Variants in SGPP1 observed in about 807,000 individuals in gnomAD.
SGPP1 encodes sphingosine-1-phosphate phosphatase 1.
In SGPP1, 21 loss-of-function variants were observed where a neutral mutation model predicts 33.0. That is an observed-to-expected ratio of 0.64 (90% CI 0.45 to 0.92). The LOEUF is 0.92. Among genes scored for constraint, SGPP1 ranks in the 40% least tolerant of loss-of-function variants. The pLI is 0.00. For synonymous variants in SGPP1, 239 were observed against 241.2 expected (o/e 0.99, Z 0.08); for missense variants, 543 against 589.4 (o/e 0.92, Z 0.81).
chr14:63,710,103 G>C (rs73265735), intron 1 of SGPP1, among the ~76,000 whole-genome samples: 1 of 152,176 alleles, frequency 6.6e-6, no homozygotes, highest in Non-Finnish European at 1.5e-5. Flanking sequence ...GGAATGAATA[G>C]TGTACATGTA....
At chr14:63,692,483 C>T (rs557517463) in intron 2 of SGPP1, among the ~76,000 whole-genome samples, 3 of 151,882 alleles carry the variant, frequency 2.0e-5, no homozygotes, top group Non-Finnish European at 2.9e-5. Context: ...CAGGTCTTGC[C>T]GTGTCATTCA....
intron 2 of SGPP1, among the ~76,000 whole-genome samples, chr14:63,694,188 C>T (rs1192640417): frequency 6.6e-6 from 1 of 151,606 alleles, no homozygotes; most frequent in African/African-American, 2.4e-5. Flanking sequence ...GTGGGAAGAT[C>T]GCTTGAGTCC....
rs1448854042 is a variant in SGPP1, at chr14:63,685,448, G to A, written c.*657C>T. On this transcript the variant is annotated 3_prime_UTR_variant, in exon 3 of 3. Coordinates refer to ENST00000247225, the MANE Select transcript of SGPP1 (RefSeq NM_030791.4). ...TAAAGTTCATTCAAAACAGTATACA[G>A]AACTTAAAAAAAAATCCAAAAACTA... 1.3e-5 allele frequency: 2 copies of A among 151,704 alleles called. No individual in the cohort carries two copies. Among genetic ancestry groups the A allele is most frequent in the African/African-American group, 4.9e-5 (2 of 41,110 alleles). The allele number at this position is 151,704 out of a possible 1,614,324, so 9.4% of individuals were successfully genotyped here. A position where few individuals can be genotyped will look rare whatever the true frequency, so the allele number is the denominator to read the frequency against.
intron 1 of SGPP1, among the ~76,000 whole-genome samples, chr14:63,714,238 C>T (rs376775140): frequency 1.3e-5 from 2 of 152,172 alleles, no homozygotes; most frequent in South Asian, 4.1e-4. Context: ...TTCTTGAGAT[C>T]TTGACTCTTT....
chr14:63,710,557 G>A (rs939922417), intron 1 of SGPP1, among the ~76,000 whole-genome samples: 1 of 152,198 alleles, frequency 6.6e-6, no homozygotes, highest in Non-Finnish European at 1.5e-5. Context: ...GTGGAATGAG[G>A]CTAAGCTTGG....
intron 1 of SGPP1, among the ~76,000 whole-genome samples, chr14:63,699,000 A>G (rs1566819454): frequency 6.6e-6 from 1 of 152,210 alleles, no homozygotes; most frequent in African/African-American, 2.4e-5. Context: ...CACCAAAATG[A>G]AAGGGCCTCT....
rs895084693 is a variant in SGPP1, at chr14:63,686,668, T to C, written c.775-12A>G. 1.9e-6 allele frequency: 3 copies of C among 1,559,240 alleles called. No homozygotes were observed. In the African/African-American group the frequency reaches 4.1e-5, roughly 21 times the overall value. On this transcript the variant is annotated splice_polypyrimidine_tract_variant and intron_variant, in intron 2 of 2. Coordinates refer to ENST00000247225, the MANE Select transcript of SGPP1 (RefSeq NM_030791.4). ...CCAGCAATAATATCCTAGGAAAAGA[T>C]AAAAGTATCGTTGTTTAGTATAATA...
chr14:63,698,558 AT>A lies in SGPP1; in HGVS notation c.774+10del. 2 of 1,457,208 alleles carry A rather than the reference AT, an allele frequency of 1.4e-6. No homozygotes were observed. Among genetic ancestry groups the A allele is most frequent in the Non-Finnish European group, 1.9e-6 (2 of 1,064,520 alleles). The allele number at this position is 1,457,208 out of a possible 1,614,324, so 90.3% of individuals were successfully genotyped here. A position where few individuals can be genotyped will look rare whatever the true frequency, so the allele number is the denominator to read the frequency against. ...AAAAATAAAGTATTAAGAAGACAAC[AT>A]TTTCCTTACCAGAATAGAGTGCATT... is the stretch of plus-strand genomic sequence containing the variant. On this transcript the variant is annotated intron_variant, in intron 2 of 2. Coordinates refer to ENST00000247225, the MANE Select transcript of SGPP1 (RefSeq NM_030791.4).
intron 1 of SGPP1, among the ~76,000 whole-genome samples, chr14:63,719,022 T>A (rs1346975916): frequency 7.3e-4 from 61 of 83,220 alleles, no homozygotes; most frequent in South Asian, 3.0e-3. Flanking sequence ...ATATTTTTTT[T>A]TTTTTTTTTT....
chr14:63,707,794 C>T (rs772011527), intron 1 of SGPP1, among the ~76,000 whole-genome samples: 7 of 151,988 alleles, frequency 4.6e-5, no homozygotes, highest in African/African-American at 7.2e-5. Context: ...TCATCTGCTT[C>T]GAGGCTCCAG....
At chr14:63,725,744 AG>A in intron 1 of SGPP1, among the ~76,000 whole-genome samples, 2 of 152,324 alleles carry the variant, frequency 1.3e-5, no homozygotes, top group South Asian at 4.1e-4. Flanking sequence ...GAGCAAAAAT[AG>A]CTATTTTCTC....
At chr14:63,708,219 T>C (rs1885453431) in intron 1 of SGPP1, among the ~76,000 whole-genome samples, 1 of 151,874 alleles carries the variant, frequency 6.6e-6, no homozygotes, top group African/African-American at 2.4e-5. Flanking sequence ...TCTTTCTTTT[T>C]TTCTTGGTAC....
intron 1 of SGPP1, among the ~76,000 whole-genome samples, chr14:63,707,416 C>G (rs1312418390): frequency 6.6e-6 from 1 of 152,258 alleles, no homozygotes; most frequent in South Asian, 2.1e-4. Flanking sequence ...GTCAGAGCTA[C>G]AGGCAGGCCC....
chr14:63,721,988 C>T (rs1285309403), intron 1 of SGPP1, among the ~76,000 whole-genome samples: 1 of 151,998 alleles, frequency 6.6e-6, no homozygotes, highest in African/African-American at 2.4e-5. Context: ...GCAAGCATAC[C>T]TTAAAAATCA....
In SGPP1 at chr14:63,686,370, C is replaced by T. The variant is rs1342502118; in HGVS notation, c.1061G>A (p.Gly354Glu). The T allele has an allele frequency of 6.2e-7, 1 of 1,614,024 alleles. No homozygotes were observed. The highest frequency in any genetic ancestry group is 1.7e-5 in the Admixed American group (1 of 59,992). ...DPSLDTLPLAGPPITVTLFGK... is the reference protein window; with the variant it reads ...DPSLDTLPLAEPPITVTLFGK... ...AAACAGAGTCACAGTAATGGGGGGC[C>T]CAGCTAAAGGTAATGTATCTAGAGA... The change falls in exon 3 of 3, where the codon GGG becomes GAG. Residue 354 changes from glycine to glutamate, a missense_variant. Transcript: ENST00000247225.
chr14:63,696,185 G>A (rs1302614545), intron 2 of SGPP1, among the ~76,000 whole-genome samples: 2 of 152,052 alleles, frequency 1.3e-5, no homozygotes, highest in African/African-American at 2.4e-5. Context: ...CTATTTGGAA[G>A]AATCCCTTGA....
At chr14:63,718,290 C>A in intron 1 of SGPP1, among the ~76,000 whole-genome samples, 1 of 150,582 alleles carries the variant, frequency 6.6e-6, no homozygotes, top group East Asian at 1.9e-4. Flanking sequence ...ACAAAACTAT[C>A]AACCTAGAAT....
At chr14:63,699,728 GTT>G (rs11346997) in intron 1 of SGPP1, among the ~76,000 whole-genome samples, 3 of 141,778 alleles carry the variant, frequency 2.1e-5, no homozygotes, top group Admixed American at 7.1e-5. Context: ...AGGCAGAGTT[GTT>G]TTTTTTTTTG....
intron 1 of SGPP1, among the ~76,000 whole-genome samples, chr14:63,710,713 G>A (rs1885504614): frequency 6.6e-6 from 1 of 152,100 alleles, no homozygotes; most frequent in South Asian, 2.1e-4. Context: ...CTTCCTCATT[G>A]AGAAAACCAG....
Sources: allele counts gnomAD v4.1 joint callset (sites outside exome capture counted in the v4.1 genomes callset), GRCh38; gene constraint gnomAD v4.1.1; transcripts MANE v1.5; gene names NCBI Gene and HGNC (gene_info 2026-07-23, HGNC 2026-07-21).